Variants in PLS1 observed in about 807,000 individuals in gnomAD.
PLS1 encodes plastin 1.
PLS1 carries 32 observed loss-of-function variants against 73.7 expected under a neutral mutation model. The observed-to-expected ratio is 0.43, with a 90% CI of 0.33 to 0.58. The LOEUF is 0.58. Among genes scored for constraint, PLS1 ranks in the 20% least tolerant of loss-of-function variants. The pLI, the probability that PLS1 is intolerant of heterozygous loss-of-function variation, is 0.04. For missense variants in PLS1, 633 were observed against 740.5 expected, an observed-to-expected ratio of 0.85 and a Z score of 1.68; for synonymous variants, 217 against 261.3, an observed-to-expected ratio of 0.83 and a Z score of 1.63.
intron 12 of PLS1, among the ~76,000 whole-genome samples, chr3:142,699,023 T>C (rs1386843586): frequency 6.6e-6 from 1 of 152,192 alleles, no homozygotes. Context: ...ACACTGCATG[T>C]TCTCACTCAT....
At chr3:142,690,262 T>A (rs1436651125) in intron 10 of PLS1, among the ~76,000 whole-genome samples, 1 of 152,184 alleles carries the variant, frequency 6.6e-6, no homozygotes. Context: ...ATCTGTCTCA[T>A]AATATATAAT....
intron 1 of PLS1, among the ~76,000 whole-genome samples, chr3:142,634,382 T>G (rs1456722906): frequency 6.6e-6 from 1 of 152,300 alleles, no homozygotes; most frequent in East Asian, 1.9e-4. Context: ...ATTGTTTTGT[T>G]TAAATCCACT....
At chr3:142,654,518 A>AC (rs146796728) in intron 1 of PLS1, among the ~76,000 whole-genome samples, 3,172 of 151,838 alleles carry the variant, frequency 0.021, 101 homozygotes, top group African/African-American at 0.066. Flanking sequence ...CTAACTTAAA[A>AC]TTTTTTTTCT....
intron 1 of PLS1, chr3:142,645,579 A>AG (rs1214084947): frequency 1.3e-5 from 2 of 152,190 alleles, no homozygotes; most frequent in Admixed American, 1.3e-4. Flanking sequence ...ACAAACCAGG[A>AG]GGTAATACCT....
intron 6 of PLS1, among the ~76,000 whole-genome samples, chr3:142,680,916 C>T (rs1267077133): frequency 6.6e-6 from 1 of 152,178 alleles, no homozygotes; most frequent in Admixed American, 6.5e-5. Context: ...CTGCCACTCT[C>T]ATGTGGTGGT....
intron 6 of PLS1, among the ~76,000 whole-genome samples, chr3:142,679,186 C>T (rs975103922): frequency 4.3e-4 from 66 of 151,814 alleles, no homozygotes; most frequent in South Asian, 8.3e-4. Context: ...CTTTGTCAGA[C>T]GAGTAGGTTG....
chr3:142,704,335 C>G (rs1291577007), intron 13 of PLS1, 128 bp from the exon 14 acceptor site: 2 of 762,544 alleles, frequency 2.6e-6, no homozygotes, highest in African/African-American at 3.7e-5. Flanking sequence ...GTGCAAATGC[C>G]AGACTAAAAT....
At chr3:142,707,277 C>G (rs2038481745) in intron 14 of PLS1, among the ~76,000 whole-genome samples, 1 of 152,130 alleles carries the variant, frequency 6.6e-6, no homozygotes, top group South Asian at 2.1e-4. Flanking sequence ...ATAAGTGGCA[C>G]TAGCAGAAAA....
chr3:142,608,295 T>A (rs1308341857), intron 1 of PLS1, among the ~76,000 whole-genome samples: 1 of 152,262 alleles, frequency 6.6e-6, no homozygotes. Context: ...ATGACTGTTA[T>A]GAGACAGCAT....
chr3:142,597,585 C>A (rs1386109579), intron 1 of PLS1, among the ~76,000 whole-genome samples: 1 of 152,084 alleles, frequency 6.6e-6, no homozygotes, highest in Non-Finnish European at 1.5e-5. Flanking sequence ...GTTTTAATGG[C>A]AGAAATAATA....
chr3:142,683,531 G>C (rs1350861886), intron 6 of PLS1, among the ~76,000 whole-genome samples: 1 of 152,106 alleles, frequency 6.6e-6, no homozygotes, highest in African/African-American at 2.4e-5. Flanking sequence ...AAGAGGATGG[G>C]CTCGGGAGAC....
chr3:142,639,982 GA>G (rs1445790516), intron 1 of PLS1, among the ~76,000 whole-genome samples: 4 of 152,018 alleles, frequency 2.6e-5, no homozygotes, highest in African/African-American at 9.7e-5. Context: ...ACGAAGCCTC[GA>G]AAAACCAAGT....
chr3:142,703,641 C>T (rs371873984), intron 12 of PLS1, among the ~76,000 whole-genome samples: 1 of 152,084 alleles, frequency 6.6e-6, no homozygotes, highest in East Asian at 1.9e-4. Flanking sequence ...TAAAACTTTC[C>T]GGCCAGTTGT....
chr3:142,657,730 C>T (rs982951982), intron 1 of PLS1, among the ~76,000 whole-genome samples: 54 of 152,060 alleles, frequency 3.6e-4, no homozygotes, highest in African/African-American at 1.1e-3. Context: ...CCTCATGATC[C>T]GCCCACCTCG....
intron 1 of PLS1, among the ~76,000 whole-genome samples, chr3:142,637,174 A>T (rs1235221176): frequency 1.3e-5 from 2 of 152,210 alleles, no homozygotes; most frequent in Non-Finnish European, 2.9e-5. Context: ...TGTCTTCATG[A>T]TTTATCCATT....
chr3:142,651,202 G>A (rs1407700027), intron 1 of PLS1, among the ~76,000 whole-genome samples: 1 of 152,012 alleles, frequency 6.6e-6, no homozygotes, highest in Non-Finnish European at 1.5e-5. Flanking sequence ...GCTAACGCAT[G>A]TAATCCCAGC....
chr3:142,600,372 T>C (rs1214847210), intron 1 of PLS1, among the ~76,000 whole-genome samples: 1 of 152,094 alleles, frequency 6.6e-6, no homozygotes, highest in African/African-American at 2.4e-5. Flanking sequence ...AGATATATTG[T>C]ACACTACCAG....
Position 142,712,038 on chromosome 3 carries a change from C to T in PLS1, c.*31C>T. Reference sequence around the variant, plus strand: ...TCATATGATTTTCTGCCACATTAAACATATTGTATGCCTCACAGTTTACAG... The same window carrying T: ...TCATATGATTTTCTGCCACATTAAATATATTGTATGCCTCACAGTTTACAG... On this transcript the variant is annotated 3_prime_UTR_variant, in exon 16 of 16. Coordinates refer to ENST00000457734, the MANE Select transcript of PLS1 (RefSeq NM_001145319.2). 1 of 1,590,516 alleles carries T rather than the reference C, an allele frequency of 6.3e-7. No individual in the cohort carries two copies. The highest frequency in any genetic ancestry group is 8.6e-7 in the Non-Finnish European group (1 of 1,159,168).
chr3:142,696,360 T>G (rs999379305), intron 11 of PLS1, among the ~76,000 whole-genome samples: 4 of 152,160 alleles, frequency 2.6e-5, no homozygotes, highest in Non-Finnish European at 4.4e-5. Context: ...CATATAGTAT[T>G]TTTTCTTGCA....
Sources: gnomAD v4.1 joint callset for allele counts (sites outside exome capture counted in the v4.1 genomes callset) on GRCh38, gnomAD v4.1.1 for gene constraint, MANE v1.5 for transcripts, NCBI Gene and HGNC (gene_info 2026-07-23, HGNC 2026-07-21) for gene names.